GRIK1: variants seen among roughly 807,000 people sequenced by gnomAD.
The protein encoded by GRIK1 is glutamate receptor ionotropic, kainate 1.
Under a neutral mutation model 105.7 loss-of-function variants are expected in GRIK1, and 69 were observed. The ratio of observed to expected loss-of-function variants is 0.65; its 90% CI spans 0.54 to 0.80. The LOEUF (loss-of-function observed/expected upper bound fraction) is 0.80. Among genes scored for constraint, GRIK1 ranks in the 30% least tolerant of loss-of-function variants. The probability of loss-of-function intolerance (pLI) is 0.00; values close to 1 mark genes in which losing one functional copy is unlikely to be tolerated. For missense variants in GRIK1, 1,109 were observed against 1,167.3 expected, an observed-to-expected ratio of 0.95 and a Z score of 0.73; for synonymous variants, 438 against 431.3, an observed-to-expected ratio of 1.02 and a Z score of -0.19.
chr21:29,778,168 C>T (rs1278854621), intron 1 of GRIK1, among the ~76,000 whole-genome samples: 2 of 152,144 alleles, frequency 1.3e-5, no homozygotes, highest in African/African-American at 2.4e-5. Context: ...CATGTTTTGT[C>T]CCAGCTGAAG....
chr21:29,741,358 T>G (rs1458678559), intron 1 of GRIK1, among the ~76,000 whole-genome samples: 2 of 150,760 alleles, frequency 1.3e-5, no homozygotes, highest in South Asian at 4.2e-4. Context: ...CATCAATACA[T>G]TTTTTTTGTC....
chr21:29,700,871 T>C (rs1049155159), intron 1 of GRIK1, among the ~76,000 whole-genome samples: 1 of 152,126 alleles, frequency 6.6e-6, no homozygotes, highest in African/African-American at 2.4e-5. Context: ...TGGCAGAGAA[T>C]CCATCTCATT....
At chr21:29,928,183 G>A (rs1005158294) in intron 1 of GRIK1, among the ~76,000 whole-genome samples, 11 of 152,200 alleles carry the variant, frequency 7.2e-5, no homozygotes, top group African/African-American at 2.7e-4. Flanking sequence ...CATTCAAAGG[G>A]TTGGACATCC....
chr21:29,759,404 C>T (rs571907438), intron 1 of GRIK1, among the ~76,000 whole-genome samples: 31 of 152,318 alleles, frequency 2.0e-4, no homozygotes, highest in African/African-American at 7.5e-4. Flanking sequence ...AGGCGTGAGA[C>T]ACCACGCCCT....
At chr21:29,583,922 T>G (rs569934098) in intron 12 of GRIK1, among the ~76,000 whole-genome samples, 27 of 152,300 alleles carry the variant, frequency 1.8e-4, no homozygotes, top group African/African-American at 6.3e-4. Flanking sequence ...ATATATGACC[T>G]ACACCAAAGA....
intron 1 of GRIK1, among the ~76,000 whole-genome samples, chr21:29,840,183 C>A (rs2067937075): frequency 6.6e-6 from 1 of 151,788 alleles, no homozygotes; most frequent in African/African-American, 2.4e-5. Flanking sequence ...TGTTTTCATC[C>A]CAGTCTTATT....
intron 1 of GRIK1, among the ~76,000 whole-genome samples, chr21:29,727,586 G>A (rs756120909): frequency 1.3e-5 from 2 of 152,114 alleles, no homozygotes; most frequent in African/African-American, 2.4e-5. Flanking sequence ...GTTTATAAAC[G>A]GGAGCAGGCG....
chr21:29,925,407 T>A (rs1024509442), intron 1 of GRIK1, among the ~76,000 whole-genome samples: 1 of 152,236 alleles, frequency 6.6e-6, no homozygotes, highest in Non-Finnish European at 1.5e-5. Context: ...TCCTCATTAA[T>A]GTATTTTATC....
chr21:29,748,132 T>A (rs1444749640), intron 1 of GRIK1: 2 of 152,268 alleles, frequency 1.3e-5, no homozygotes, highest in Non-Finnish European at 2.9e-5. Flanking sequence ...TGTTTCTCCC[T>A]GGCATTAATC....
At chr21:29,777,962 G>T (rs2065993047) in intron 1 of GRIK1, among the ~76,000 whole-genome samples, 1 of 152,148 alleles carries the variant, frequency 6.6e-6, no homozygotes, top group Non-Finnish European at 1.5e-5. Context: ...CAAAGAATTT[G>T]GGTCAGTGAT....
chr21:29,560,394 TTC>T (rs1568814116), intron 15 of GRIK1, among the ~76,000 whole-genome samples: 3,020 of 95,528 alleles, frequency 0.032, 579 homozygotes, highest in Non-Finnish European at 0.042. Context: ...CCTTCCTTCC[TTC>T]CTTCCTTTCT....
intron 15 of GRIK1, 58 bp from the exon 16 acceptor site, chr21:29,555,360 G>C (rs2090225777): frequency 6.8e-7 from 1 of 1,478,164 alleles, no homozygotes. Flanking sequence ...ACATCCAGAA[G>C]TATTCTTAAT....
At chr21:29,934,193 ACCC>A (rs2071668895) in intron 1 of GRIK1, among the ~76,000 whole-genome samples, 1 of 152,116 alleles carries the variant, frequency 6.6e-6, no homozygotes. Context: ...CATTATTTGA[ACCC>A]TTTCAAAAGA....
intron 1 of GRIK1, among the ~76,000 whole-genome samples, chr21:29,914,191 C>G (rs1250336565): frequency 6.6e-6 from 1 of 152,030 alleles, no homozygotes; most frequent in Non-Finnish European, 1.5e-5. Context: ...AATGCCACCA[C>G]ACATTGCTGA....
intron 1 of GRIK1, among the ~76,000 whole-genome samples, chr21:29,835,039 C>T (rs1358107262): frequency 1.3e-5 from 2 of 152,084 alleles, no homozygotes; most frequent in Admixed American, 6.6e-5. Flanking sequence ...TCTTTCTGAT[C>T]ACTAATGCTC....
intron 7 of GRIK1, among the ~76,000 whole-genome samples, chr21:29,616,067 T>C (rs1319211094): frequency 6.6e-6 from 1 of 152,194 alleles, no homozygotes. Flanking sequence ...TGGGAACCCA[T>C]CCTGGACCTC....
chr21:29,572,157 A>G (rs1257878891), intron 14 of GRIK1, among the ~76,000 whole-genome samples: 1 of 152,082 alleles, frequency 6.6e-6, no homozygotes, highest in Non-Finnish European at 1.5e-5. Context: ...CTACCCCGAG[A>G]GCAAAAAAGC....
At chr21:29,704,692 C>A (rs1568994859) in intron 1 of GRIK1, among the ~76,000 whole-genome samples, 2 of 152,192 alleles carry the variant, frequency 1.3e-5, no homozygotes, top group Admixed American at 1.3e-4. Flanking sequence ...TTATTGAGGT[C>A]TGTAGTGAGA....
intron 1 of GRIK1, among the ~76,000 whole-genome samples, chr21:29,804,856 C>A (rs1462007971): frequency 6.6e-6 from 1 of 152,046 alleles, no homozygotes; most frequent in Non-Finnish European, 1.5e-5. Flanking sequence ...TTACCATAGA[C>A]CAGGCACTAT....
Sources: gnomAD v4.1 joint callset for allele counts (sites outside exome capture counted in the v4.1 genomes callset) on GRCh38, gnomAD v4.1.1 for gene constraint, MANE v1.5 for transcripts, NCBI Gene and HGNC (gene_info 2026-07-23, HGNC 2026-07-21) for gene names.